Variants in STAT5B observed in about 807,000 individuals in gnomAD.
The protein encoded by STAT5B is transcription factor STAT5B.
In STAT5B, 21 loss-of-function variants were observed where a neutral mutation model predicts 107.8. That is an observed-to-expected ratio of 0.19 (90% CI 0.14 to 0.28). The LOEUF (loss-of-function observed/expected upper bound fraction) is 0.28, where lower values mean the gene tolerates loss of function less well. STAT5B is among the 10% of genes least tolerant of loss of function. The pLI is 1.00. For synonymous variants in STAT5B, 325 were observed against 401.7 expected, an observed-to-expected ratio of 0.81 and a Z score of 2.28; for missense variants, 565 against 1,008.2, an observed-to-expected ratio of 0.56 and a Z score of 5.95.
In STAT5B at chr17:42,216,030, T is replaced by C; in HGVS notation, c.1457A>G (p.Asn486Ser). 2 of 1,614,076 alleles carry C rather than the reference T, an allele frequency of 1.2e-6. No individual in the cohort carries two copies. Among genetic ancestry groups the C allele is most frequent in the Non-Finnish European group, 1.7e-6 (2 of 1,180,010 alleles). ...TACACTCACAGGCTCTGCAAAAGCATTGTCCCAGAGAACAGTGGCCGTCGC... is the reference window on the plus strand; with the variant it reads ...TACACTCACAGGCTCTGCAAAAGCACTGTCCCAGAGAACAGTGGCCGTCGC... ...NNATATVLWD[N>S]AFAEPGRVPF... The change falls in exon 12 of 19, where the codon AAT (asparagine) becomes AGT (serine). Residue 486 changes from asparagine to serine, a missense_variant. Physicochemically the swap from Asn to Ser is conservative, Grantham distance 46 (BLOSUM62 1). Transcript: ENST00000293328.
intron 15 of STAT5B, among the ~76,000 whole-genome samples, chr17:42,208,450 C>G (rs2080103440): frequency 6.6e-6 from 1 of 151,594 alleles, no homozygotes; most frequent in Non-Finnish European, 1.5e-5. Context: ...GAGCTGAGAT[C>G]ATGACACTGC....
rs2144190412 is a variant in STAT5B, at chr17:42,201,492, TGA to T, written c.*244_*245del. Reference sequence around the variant, plus strand: ...CTGCTACAACTAAACTCTCAGACAGTGAGAGGGAGAAACACCATAACGTGCAA... The same window carrying T: ...CTGCTACAACTAAACTCTCAGACAGTGAGGGAGAAACACCATAACGTGCAA... On this transcript the variant is annotated 3_prime_UTR_variant, in exon 19 of 19. Coordinates refer to ENST00000293328, the MANE Select transcript of STAT5B (RefSeq NM_012448.4). 1 of 621,550 alleles carries T rather than the reference TGA, an allele frequency of 1.6e-6. No individual in the cohort carries two copies. Among genetic ancestry groups the T allele is most frequent in the Non-Finnish European group, 2.9e-6 (1 of 342,418 alleles). The allele number at this position is 621,550 out of a possible 1,614,324, so 38.5% of individuals were successfully genotyped here. A position where few individuals can be genotyped will look rare whatever the true frequency, so the allele number is the denominator to read the frequency against.
intron 1 of STAT5B, among the ~76,000 whole-genome samples, chr17:42,273,772 C>T (rs1210281970): frequency 6.6e-6 from 1 of 152,094 alleles, no homozygotes; most frequent in East Asian, 1.9e-4. Flanking sequence ...GCCAAATAAA[C>T]CACAACAAAT....
At chr17:42,249,273 A>C (rs570568010) in intron 1 of STAT5B, among the ~76,000 whole-genome samples, 2 of 152,182 alleles carry the variant, frequency 1.3e-5, no homozygotes, top group Admixed American at 6.5e-5. Context: ...CGTGACTGTA[A>C]TCCCAGCTAC....
rs537622926 is a variant in STAT5B, at chr17:42,219,988, G to T, written c.551-146C>A. On this transcript the variant is annotated intron_variant, in intron 5 of 18. Coordinates refer to ENST00000293328, the MANE Select transcript of STAT5B (RefSeq NM_012448.4). ...AAGTCGGGGTTCCTGACAGCCAGGG[G>T]GGCCAAGATGAATGGGTGCCCCAGG... 5.8e-5 allele frequency: 82 copies of T among 1,407,212 alleles called. 1 individual carries two copies. The East Asian group carries it at 2.0e-3, about 34-fold the overall frequency. The allele number at this position is 1,407,212 out of a possible 1,614,324, so 87.2% of individuals were successfully genotyped here.
intron 5 of STAT5B, among the ~76,000 whole-genome samples, chr17:42,221,272 G>A (rs2080224044): frequency 6.6e-6 from 1 of 152,166 alleles, no homozygotes; most frequent in Non-Finnish European, 1.5e-5. Context: ...CAGCCACAGG[G>A]AGGGTGGTGG....
In STAT5B at chr17:42,225,522, C is replaced by T. The variant is rs537753888; in HGVS notation, c.286-654G>A. ...ATACCCGAGAAGGACAAGTCACCTACAATTGTCCCTTGGCATCTGTGGGGG... is the reference window on the plus strand; with the variant it reads ...ATACCCGAGAAGGACAAGTCACCTATAATTGTCCCTTGGCATCTGTGGGGG... On this transcript the variant is annotated intron_variant, in intron 3 of 18. Transcript: ENST00000293328. Among the ~76,000 whole-genome samples the T allele has an allele frequency of 5.9e-5, 9 of 152,236 alleles. No individual in the cohort carries two copies. In the East Asian group the frequency reaches 1.5e-3, roughly 26 times the overall value.
At chr17:42,248,266 T>G (rs2080468563) in intron 1 of STAT5B, among the ~76,000 whole-genome samples, 1 of 127,480 alleles carries the variant, frequency 7.8e-6, no homozygotes. Context: ...CATTGTAAGA[T>G]CTTGTCCAAA....
At chr17:42,287,082 T>C in the STAT5B span, among the ~76,000 whole-genome samples, 1 of 152,170 alleles carries the variant, frequency 6.6e-6, no homozygotes, top group Non-Finnish European at 1.5e-5. Context: ...ACATCCTCCA[T>C]GCACCCCCTT....
Position 42,232,037 on chromosome 17 carries a change from G to A in STAT5B, c.91C>T (p.Arg31Trp), listed in dbSNP as rs2080321538. 2.5e-6 allele frequency: 4 copies of A among 1,613,772 alleles called. No individual in the cohort carries two copies. Among genetic ancestry groups the A allele is most frequent in the Non-Finnish European group, 2.5e-6 (3 of 1,179,902 alleles). The change falls in exon 2 of 19, where the codon CGG becomes TGG. Residue 31 changes from arginine (R) to tryptophan (W), a missense_variant. By Grantham distance (101) the Arg-to-Trp change is moderately radical. Transcript: ENST00000293328. ...TCAATCCACTGGGATAAATAATGCC[G>A]CACCTCAATGGGAAAATGCTGGCCA... ...LYGQHFPIEV[R>W]HYLSQWIESQ...
chr17:42,274,346 A>G (rs1217317255), intron 1 of STAT5B, among the ~76,000 whole-genome samples: 1 of 150,530 alleles, frequency 6.6e-6, no homozygotes, highest in Non-Finnish European at 1.5e-5. Flanking sequence ...CTGGAGCTTG[A>G]AATTTCATCT....
chr17:42,227,136 A>AAAATCAATAAAT (rs1555550052), intron 3 of STAT5B, among the ~76,000 whole-genome samples: 2 of 132,222 alleles, frequency 1.5e-5, no homozygotes, highest in Non-Finnish European at 3.1e-5. Flanking sequence ...CTCCGTCTCA[A>AAAATCAATAAAT]AAATAAATAA....
At chr17:42,232,911 G>A (rs1002318466) in intron 1 of STAT5B, among the ~76,000 whole-genome samples, 2 of 147,540 alleles carry the variant, frequency 1.4e-5, no homozygotes, top group East Asian at 4.0e-4. Flanking sequence ...GCAAGATCTC[G>A]GCTCACTGCA....
chr17:42,214,247 C>T, intron 12 of STAT5B: 1 of 985,042 alleles, frequency 1.0e-6, no homozygotes, highest in Non-Finnish European at 1.2e-6. Context: ...TGAGTAATTA[C>T]ATGGTGCAGG....
At chr17:42,225,842 G>A (rs1410130968) in intron 3 of STAT5B, among the ~76,000 whole-genome samples, 4 of 152,068 alleles carry the variant, frequency 2.6e-5, no homozygotes, top group African/African-American at 9.7e-5. Context: ...AAGTCTGCTC[G>A]GAGATGTGCA....
At chr17:42,238,756 C>T (rs60380615) in intron 1 of STAT5B, among the ~76,000 whole-genome samples, 18,575 of 151,398 alleles carry the variant, frequency 0.12, 3,792 homozygotes, top group African/African-American at 0.42. Context: ...TAAAAGATGG[C>T]ATTCCTATTT....
intron 11 of STAT5B, 25 bp from the exon 12 acceptor site, chr17:42,216,131 A>G (rs1598301263): frequency 6.3e-7 from 1 of 1,594,458 alleles, no homozygotes; most frequent in South Asian, 1.1e-5. Context: ...GAGAAGGCTG[A>G]GCGCCCACGA....
At chr17:42,249,920 C>G (rs138862011) in intron 1 of STAT5B, among the ~76,000 whole-genome samples, 1,941 of 152,272 alleles carry the variant, frequency 0.013, 13 homozygotes, top group Non-Finnish European at 0.018. Flanking sequence ...CCTCGGCCCT[C>G]CAAAGTGCTG....
At chr17:42,203,874 G>A (rs748085379) in intron 16 of STAT5B, among the ~76,000 whole-genome samples, 6 of 151,904 alleles carry the variant, frequency 3.9e-5, no homozygotes, top group Non-Finnish European at 8.8e-5. Flanking sequence ...TGATCCACCC[G>A]CCTTGGCCTC....
Sources: gnomAD v4.1 joint callset for allele counts (sites outside exome capture counted in the v4.1 genomes callset) on GRCh38, gnomAD v4.1.1 for gene constraint, MANE v1.5 for transcripts, NCBI Gene and HGNC (gene_info 2026-07-23, HGNC 2026-07-21) for gene names.